CNTN3: variants seen among roughly 807,000 people sequenced by gnomAD.
CNTN3 encodes contactin-3.
CNTN3 carries 60 observed loss-of-function variants against 119.1 expected under a neutral mutation model. The observed-to-expected ratio is 0.50, with a 90% CI of 0.41 to 0.62. CNTN3 has a LOEUF of 0.62. Among genes scored for constraint, CNTN3 ranks in the 20% least tolerant of loss-of-function variants. The probability of loss-of-function intolerance (pLI) is 0.00; values close to 1 mark genes in which losing one functional copy is unlikely to be tolerated. For synonymous variants in CNTN3, 450 were observed against 438.7 expected (o/e 1.03, Z -0.32); for missense variants, 1,101 against 1,242.4 (o/e 0.89, Z 1.71).
intron 13 of CNTN3, among the ~76,000 whole-genome samples, chr3:74,333,538 T>C (rs1401252502): frequency 6.6e-6 from 1 of 152,180 alleles, no homozygotes; most frequent in Non-Finnish European, 1.5e-5. Flanking sequence ...TTCTCCTCTT[T>C]GTGTGTCTAT....
intron 4 of CNTN3, among the ~76,000 whole-genome samples, chr3:74,453,853 T>C (rs1270498777): frequency 6.6e-6 from 1 of 152,218 alleles, no homozygotes; most frequent in African/African-American, 2.4e-5. Flanking sequence ...TCTTGAGTTC[T>C]AGTTTGATTG....
intron 4 of CNTN3, among the ~76,000 whole-genome samples, chr3:74,431,966 T>C (rs1325947987): frequency 6.6e-6 from 1 of 152,164 alleles, no homozygotes; most frequent in Admixed American, 6.5e-5. Flanking sequence ...ACCTCTTCAA[T>C]TAAAATGAAA....
At chr3:74,583,176 T>C (rs370407152) in intron 1 of CNTN3, among the ~76,000 whole-genome samples, 1 of 152,202 alleles carries the variant, frequency 6.6e-6, no homozygotes, top group East Asian at 1.9e-4. Flanking sequence ...AAATCCTGGT[T>C]TGGTGTGTGA....
chr3:74,522,598 C>T (rs971112756), intron 1 of CNTN3, among the ~76,000 whole-genome samples: 7 of 151,692 alleles, frequency 4.6e-5, no homozygotes, highest in African/African-American at 1.5e-4. Context: ...AATATAAAGC[C>T]TTCTAACACC....
At chr3:74,318,166 C>T (rs946386340) in intron 13 of CNTN3, among the ~76,000 whole-genome samples, 1 of 152,206 alleles carries the variant, frequency 6.6e-6, no homozygotes, top group Non-Finnish European at 1.5e-5. Context: ...ACGTAGTTCT[C>T]AAGCCTTGGC....
chr3:74,508,176 G>C (rs745502387), intron 2 of CNTN3, among the ~76,000 whole-genome samples: 3 of 152,156 alleles, frequency 2.0e-5, no homozygotes, highest in Non-Finnish European at 4.4e-5. Flanking sequence ...GATAGTGAGT[G>C]AGTTCTCATG....
chr3:74,458,055 A>G (rs1702301500), intron 4 of CNTN3, among the ~76,000 whole-genome samples: 1 of 152,048 alleles, frequency 6.6e-6, no homozygotes, highest in African/African-American at 2.4e-5. Context: ...GGTGAAAACT[A>G]AGAGTGTTCC....
chr3:74,551,502 T>G (rs1415761535), intron 1 of CNTN3, among the ~76,000 whole-genome samples: 2 of 151,954 alleles, frequency 1.3e-5, no homozygotes, highest in African/African-American at 2.4e-5. Context: ...AGTTCATAGT[T>G]TACATTAGGG....
At position 74,371,072 on chromosome 3, in the gene CNTN3, G is replaced by A; in HGVS notation, c.658+124C>T. ...TTTTTGTCATTGTACTCATAAAATA[G>A]TCTGTGCCAAAAAACATGAAGTGAC... On this transcript the variant is annotated intron_variant, in intron 6 of 22. Transcript: ENST00000263665. 4 of 677,628 alleles carry A rather than the reference G, an allele frequency of 5.9e-6. No individual in the cohort carries two copies. In the East Asian group the frequency reaches 1.1e-4, roughly 18 times the overall value. The allele number at this position is 677,628 out of a possible 1,614,324, so 42.0% of individuals were successfully genotyped here. A position where few individuals can be genotyped will look rare whatever the true frequency, so the allele number is the denominator to read the frequency against.
intron 5 of CNTN3, among the ~76,000 whole-genome samples, chr3:74,394,478 T>C (rs907889067): frequency 6.6e-6 from 1 of 152,154 alleles, no homozygotes; most frequent in Non-Finnish European, 1.5e-5. Flanking sequence ...GTACATTTTA[T>C]TGGGAGATGA....
At chr3:74,469,329 T>A (rs561820996) in intron 4 of CNTN3, among the ~76,000 whole-genome samples, 73 of 152,166 alleles carry the variant, frequency 4.8e-4, no homozygotes, top group African/African-American at 1.7e-3. Context: ...ACTCTCAAAT[T>A]GAAGACAGCC....
chr3:74,502,133 T>C (rs1367325924), intron 2 of CNTN3, among the ~76,000 whole-genome samples: 1 of 152,150 alleles, frequency 6.6e-6, no homozygotes, highest in Non-Finnish European at 1.5e-5. Context: ...TGGGATAGCA[T>C]CATTTTTTTC....
chr3:74,368,816 C>A (rs1228638934), intron 8 of CNTN3, among the ~76,000 whole-genome samples: 1 of 147,200 alleles, frequency 6.8e-6, no homozygotes, highest in African/African-American at 2.5e-5. Flanking sequence ...TTTTTTTTTT[C>A]TCTTTAGTAG....
At position 74,266,784 on chromosome 3, in the gene CNTN3, T is replaced by C; in HGVS notation, c.2818-135A>G. 9.5e-6 allele frequency: 7 copies of C among 735,736 alleles called. No homozygotes were observed. In the Admixed American group the frequency reaches 1.8e-4, roughly 19 times the overall value. The allele number at this position is 735,736 out of a possible 1,614,324, so 45.6% of individuals were successfully genotyped here. ...ATGTAAGTTTCATTCATGACTCTAATTGTAAGTCTTAGATTAGAGGTTAGC... is the reference window on the plus strand; with the variant it reads ...ATGTAAGTTTCATTCATGACTCTAACTGTAAGTCTTAGATTAGAGGTTAGC... On this transcript the variant is annotated intron_variant, in intron 21 of 22. Transcript: ENST00000263665.
At chr3:74,316,901 C>G (rs1702843926) in intron 13 of CNTN3, among the ~76,000 whole-genome samples, 1 of 150,678 alleles carries the variant, frequency 6.6e-6, no homozygotes, top group Non-Finnish European at 1.5e-5. Context: ...GCACTCCAGC[C>G]TGGGTGACAG....
At chr3:74,279,324 C>G (rs900957877) in intron 20 of CNTN3, among the ~76,000 whole-genome samples, 1 of 152,136 alleles carries the variant, frequency 6.6e-6, no homozygotes, top group Non-Finnish European at 1.5e-5. Flanking sequence ...TTTATAGCAG[C>G]ACAATTCACA....
chr3:74,302,337 T>C (rs190083382), intron 14 of CNTN3, among the ~76,000 whole-genome samples: 33 of 152,340 alleles, frequency 2.2e-4, no homozygotes, highest in Non-Finnish European at 4.1e-4. Context: ...TAGAAAAATG[T>C]CCTGCATACA....
intron 5 of CNTN3, among the ~76,000 whole-genome samples, chr3:74,406,318 G>A (rs1033575635): frequency 2.6e-5 from 4 of 151,886 alleles, no homozygotes; most frequent in Non-Finnish European, 4.4e-5. Context: ...AAACTACAAC[G>A]ATAATTTTAA....
At position 74,563,791 on chromosome 3, in the gene CNTN3, C is replaced by T. The variant is rs187560484; in HGVS notation, c.-80-42599G>A. ...CACCACACCATTTCCTGAGACACTT[C>T]GTTTTCATGACAGTCTAATTCCAGG... On this transcript the variant is annotated intron_variant, in intron 1 of 22. Transcript: ENST00000263665. Among the ~76,000 whole-genome samples, 87 of 152,194 alleles carry T rather than the reference C, an allele frequency of 5.7e-4. No homozygotes were observed. In the Middle Eastern group the frequency reaches 0.014, roughly 24 times the overall value.
Sources: allele counts gnomAD v4.1 joint callset (sites outside exome capture counted in the v4.1 genomes callset), GRCh38; gene constraint gnomAD v4.1.1; transcripts MANE v1.5; gene names NCBI Gene and HGNC (gene_info 2026-07-23, HGNC 2026-07-21).